Variants in NAV1 observed in about 807,000 individuals in gnomAD.
NAV1 encodes neuron navigator 1.
A neutral mutation model predicts 175.2 loss-of-function variants in NAV1; 18 were observed. That is an observed-to-expected ratio of 0.10 (90% CI 0.07 to 0.15). NAV1 has a LOEUF of 0.15. Among genes scored for constraint, NAV1 ranks in the 10% least tolerant of loss-of-function variants. The pLI is 1.00. For missense variants in NAV1, 1,731 were observed against 2,436.6 expected, an observed-to-expected ratio of 0.71 and a Z score of 6.10; for synonymous variants, 897 against 978.7, an observed-to-expected ratio of 0.92 and a Z score of 1.56.
intron 2 of NAV1, among the ~76,000 whole-genome samples, chr1:201,715,025 T>C (rs1672077534): frequency 6.6e-6 from 1 of 152,170 alleles, no homozygotes; most frequent in African/African-American, 2.4e-5. Context: ...CCTCCCTTTA[T>C]AGGAAAGGAA....
chr1:201,574,697 C>A (rs1470050864), intron 1 of NAV1, among the ~76,000 whole-genome samples: 2 of 152,234 alleles, frequency 1.3e-5, no homozygotes, highest in African/African-American at 4.8e-5. Flanking sequence ...CTGCTCAGAT[C>A]AATTCTGTTG....
intron 2 of NAV1, among the ~76,000 whole-genome samples, chr1:201,604,519 T>C (rs1000816255): frequency 2.6e-5 from 4 of 151,744 alleles, no homozygotes; most frequent in Non-Finnish European, 5.9e-5. Context: ...CCATCTCTAC[T>C]AAAAATACAA....
upstream of NAV1, among the ~76,000 whole-genome samples, chr1:201,622,555 C>T (rs1439871612): frequency 6.6e-6 from 1 of 152,138 alleles, no homozygotes; most frequent in Non-Finnish European, 1.5e-5. Flanking sequence ...TGAACAGGAA[C>T]AGAGTCAAAG....
chr1:201,647,308 G>A (rs970898926), upstream of NAV1, among the ~76,000 whole-genome samples: 1 of 152,150 alleles, frequency 6.6e-6, no homozygotes, highest in Admixed American at 6.5e-5. Flanking sequence ...CCAGTTAGGA[G>A]GAAAGGAAGA....
chr1:201,662,491 G>A (rs1376075407), intron 1 of NAV1, among the ~76,000 whole-genome samples: 5 of 152,204 alleles, frequency 3.3e-5, no homozygotes, highest in African/African-American at 1.2e-4. Context: ...TGCCTGGGGC[G>A]ATAGAAGGAG....
At chr1:201,779,184 C>A (rs1300864239) in intron 3 of NAV1, among the ~76,000 whole-genome samples, 1 of 151,766 alleles carries the variant, frequency 6.6e-6, no homozygotes, top group African/African-American at 2.4e-5. Context: ...TGCATGTGAT[C>A]GAAAAGAAAT....
At position 201,778,420 on chromosome 1, in the gene NAV1, AGTTT is replaced by A. The variant is rs143776952; in HGVS notation, c.1227-1995_1227-1992del. 2.7e-3 allele frequency among the ~76,000 whole-genome samples: 414 copies of A among 152,344 alleles called. 1 individual carries two copies. Among genetic ancestry groups the A allele is most frequent in the African/African-American group, 9.7e-3 (405 of 41,576 alleles). ...TTGACTTAGAGAACATGCTGAGAAT[AGTTT>A]GTTTGCTTGCTTGCCAAAGATCTTA... is the stretch of plus-strand genomic sequence containing the variant. On this transcript the variant is annotated intron_variant, in intron 3 of 29. Transcript: ENST00000367296.
intron 2 of NAV1, among the ~76,000 whole-genome samples, chr1:201,616,131 G>GA (rs962822657): frequency 6.6e-6 from 1 of 152,122 alleles, no homozygotes; most frequent in African/African-American, 2.4e-5. Flanking sequence ...GCAATCCTAT[G>GA]AGTAGATCCT....
upstream of NAV1, among the ~76,000 whole-genome samples, chr1:201,646,048 G>T (rs1432262563): frequency 2.6e-5 from 4 of 152,212 alleles, no homozygotes; most frequent in African/African-American, 9.7e-5. Flanking sequence ...GATGGGGCTT[G>T]ATCCCTTGCT....
chr1:201,549,162 T>C (rs555242383), intron 1 of NAV1, among the ~76,000 whole-genome samples: 2 of 151,184 alleles, frequency 1.3e-5, no homozygotes, highest in African/African-American at 4.9e-5. Context: ...CTCTCTCTCT[T>C]TCTTTCTTCC....
At chr1:201,665,648 G>A (rs1198326747) in intron 1 of NAV1, among the ~76,000 whole-genome samples, 1 of 140,070 alleles carries the variant, frequency 7.1e-6, no homozygotes, top group Non-Finnish European at 1.5e-5. Context: ...CTCCTCCCTT[G>A]GCTGAAAGAC....
intron 1 of NAV1, among the ~76,000 whole-genome samples, chr1:201,542,070 C>T (rs1253292006): frequency 6.6e-6 from 1 of 152,178 alleles, no homozygotes; most frequent in Non-Finnish European, 1.5e-5. Context: ...CTCTTCTCCC[C>T]TTTACAGGCA....
chr1:201,721,099 A>G (rs984522799), intron 3 of NAV1, among the ~76,000 whole-genome samples: 10 of 152,112 alleles, frequency 6.6e-5, no homozygotes, highest in African/African-American at 2.4e-4. Context: ...CGAGACTAGC[A>G]TGAATAAGAA....
chr1:201,801,645 T>C (rs1677874726), intron 15 of NAV1, among the ~76,000 whole-genome samples: 3 of 152,064 alleles, frequency 2.0e-5, no homozygotes, highest in Non-Finnish European at 4.4e-5. Context: ...CATTGCACCA[T>C]AGTTAGGCAA....
intron 2 of NAV1, among the ~76,000 whole-genome samples, chr1:201,611,926 G>T (rs73084536): frequency 6.6e-6 from 1 of 152,114 alleles, no homozygotes; most frequent in South Asian, 2.1e-4. Flanking sequence ...ATAAGCATGA[G>T]TGTGAGTTGC....
At chr1:201,677,541 T>C (rs1188140806) in intron 1 of NAV1, among the ~76,000 whole-genome samples, 1 of 152,066 alleles carries the variant, frequency 6.6e-6, no homozygotes, top group Non-Finnish European at 1.5e-5. Context: ...TCACGGTGCT[T>C]TTTTCATTTC....
intron 2 of NAV1, among the ~76,000 whole-genome samples, chr1:201,632,668 A>G (rs1338464742): frequency 1.3e-5 from 2 of 152,218 alleles, no homozygotes; most frequent in East Asian, 3.8e-4. Context: ...TGGACCCACA[A>G]TGAAGGGATC....
chr1:201,669,356 C>T (rs1669948808), intron 1 of NAV1, among the ~76,000 whole-genome samples: 1 of 152,158 alleles, frequency 6.6e-6, no homozygotes, highest in Admixed American at 6.5e-5. Context: ...GGCTCTGAGG[C>T]TGAGCAGGAG....
intron 7 of NAV1, among the ~76,000 whole-genome samples, chr1:201,784,602 A>G (rs61202520): frequency 0.044 from 6,198 of 139,286 alleles, 301 homozygotes; most frequent in African/African-American, 0.13. Flanking sequence ...GGGTCTCACT[A>G]TGTTGCCCAG....
Sources: gnomAD v4.1 joint callset for allele counts (sites outside exome capture counted in the v4.1 genomes callset) on GRCh38, gnomAD v4.1.1 for gene constraint, MANE v1.5 for transcripts, NCBI Gene and HGNC (gene_info 2026-07-23, HGNC 2026-07-21) for gene names.